Variants in RBM14 observed in about 807,000 individuals in gnomAD.
RBM14 encodes RNA binding motif protein 14, also known as RNA-binding protein 14.
A neutral mutation model predicts 52.8 loss-of-function variants in RBM14; 5 were observed. The observed-to-expected ratio is 0.09, with a 90% CI of 0.05 to 0.20. RBM14 has a LOEUF of 0.20. Ranked by LOEUF, RBM14 falls within the 10% of genes least tolerant of loss-of-function variation. The pLI is 1.00. For missense variants in RBM14, 780 were observed against 926.6 expected (o/e 0.84, Z 2.05); for synonymous variants, 411 against 401.8 (o/e 1.02, Z -0.28).
At chr11:66,621,952 T>G (rs1590843846) in intron 1 of RBM14, among the ~76,000 whole-genome samples, 1 of 152,232 alleles carries the variant, frequency 6.6e-6, no homozygotes, top group South Asian at 2.1e-4. Flanking sequence ...TTTGCGCTTG[T>G]CACCCAGGCT....
intron 2 of RBM14, among the ~76,000 whole-genome samples, chr11:66,626,005 C>T (rs1381558646): frequency 2.0e-5 from 3 of 152,154 alleles, no homozygotes; most frequent in Non-Finnish European, 4.4e-5. Context: ...GATCCTTAAG[C>T]CTATTACGTG....
At chr11:66,617,485 A>C (rs1034873895) in intron 1 of RBM14, 5 of 1,007,780 alleles carry the variant, frequency 5.0e-6, no homozygotes, top group African/African-American at 1.7e-5. Flanking sequence ...GAAGAGGGAA[A>C]AGGTGGGGGC....
chr11:66,624,584 C>A lies in RBM14; in HGVS notation c.708C>A (p.Thr236=), dbSNP rs1192883848. The change falls in exon 2 of 3, where the codon ACC becomes ACA. Residue 236 remains threonine (T), a synonymous_variant. Coordinates refer to ENST00000310137, the MANE Select transcript of RBM14 (RefSeq NM_006328.4). This position sits in a 1 kb window ranked among gnomAD's most constrained non-coding sequence, Gnocchi z 4.7. ...CTCCTCTGACGGCCCAGCCAGCTAC[C>A]TACCGGGCCCAGCCGTCCGTGTCAC... ...YVAPLTAQPA[T]YRAQPSVSLG... 1 of 1,612,260 alleles carries A rather than the reference C, an allele frequency of 6.2e-7. No individual in the cohort carries two copies. Among genetic ancestry groups the A allele is most frequent in the Admixed American group, 1.7e-5 (1 of 60,024 alleles).
intron 1 of RBM14, 80 bp downstream of exon 1, chr11:66,617,137 G>T: frequency 6.6e-7 from 1 of 1,507,072 alleles, no homozygotes; most frequent in Non-Finnish European, 8.8e-7. Flanking sequence ...CCGGGGGTCG[G>T]TCACTGCGCG....
Position 66,624,289 on chromosome 11 carries a change from A to G in RBM14, c.413A>G (p.Lys138Arg). The change falls in exon 2 of 3, where the codon AAG becomes AGG. Residue 138 changes from lysine to arginine, a missense_variant. Around this residue, in one of 4 missense-constraint regions of RBM14, gnomAD observed 33 missense variants for 87.3 expected, o/e 0.38. Coordinates refer to ENST00000310137, the MANE Select transcript of RBM14 (RefSeq NM_006328.4). The surrounding 1 kb of genome is among the most constrained non-coding windows in gnomAD (Gnocchi z 4.7). Reference sequence around the variant, plus strand: ...GCGCAGCTCAACGGCAAAGAAGTGAAGGGCAAGCGCATCAACGTGGAACTC... The same window carrying G: ...GCGCAGCTCAACGGCAAAGAAGTGAGGGGCAAGCGCATCAACGTGGAACTC... ...AIAQLNGKEV[K>R]GKRINVELST... 6.2e-7 allele frequency: 1 copy of G among 1,612,648 alleles called. No individual in the cohort carries two copies. The highest frequency in any genetic ancestry group is 8.5e-7 in the Non-Finnish European group (1 of 1,178,984).
At chr11:66,617,193 G>A in intron 1 of RBM14, 136 bp downstream of exon 1, 1 of 1,440,808 alleles carries the variant, frequency 6.9e-7, no homozygotes, top group Non-Finnish European at 9.1e-7. Context: ...GGAGGTGTTG[G>A]GGGCGCGTTG....
At position 66,629,471 on chromosome 11, in the gene RBM14, C is replaced by A. The variant is rs1237375164; in HGVS notation, c.*2803C>A. On this transcript the variant is annotated 3_prime_UTR_variant, in exon 3 of 3. Coordinates refer to ENST00000310137, the MANE Select transcript of RBM14 (RefSeq NM_006328.4). ...ACTATCACTGAGGGGTTCAGCCTAT[C>A]CAGGTAGGCTACCGTTCTAGTCATA... 6.6e-6 allele frequency among the ~76,000 whole-genome samples: 1 copy of A among 152,182 alleles called. No individual in the cohort carries two copies. Among genetic ancestry groups the A allele is most frequent in the Non-Finnish European group, 1.5e-5 (1 of 68,036 alleles).
chr11:66,617,414 A>T, intron 1 of RBM14: 2 of 1,092,850 alleles, frequency 1.8e-6, no homozygotes, highest in Non-Finnish European at 2.2e-6. Flanking sequence ...AAGCCGGATC[A>T]TGAAGCGGGG....
chr11:66,619,148 T>C (rs1858979316), intron 1 of RBM14: 1 of 152,298 alleles, frequency 6.6e-6, no homozygotes, highest in South Asian at 2.1e-4. Context: ...AAGTTGGGAG[T>C]GTAGTAGAAG....
chr11:66,619,499 A>ATT (rs776184942), intron 1 of RBM14: 2 of 152,050 alleles, frequency 1.3e-5, no homozygotes, highest in Non-Finnish European at 2.9e-5. Context: ...TCTTCTCTTC[A>ATT]TTTTTGTGAG....
At position 66,625,129 on chromosome 11, in the gene RBM14, C is replaced by G. The variant is rs1379896213; in HGVS notation, c.1253C>G (p.Ala418Gly). The G allele has an allele frequency of 1.2e-6, 2 of 1,613,120 alleles. No individual in the cohort carries two copies. Among genetic ancestry groups the G allele is most frequent in the Non-Finnish European group, 1.7e-6 (2 of 1,180,016 alleles). ...TACAATGCCCAGTCTGCCCCATATGCTGCACAGCAGGCTGCTTCCTACTCT... is the reference window on the plus strand; with the variant it reads ...TACAATGCCCAGTCTGCCCCATATGGTGCACAGCAGGCTGCTTCCTACTCT... ...ASYNAQSAPY[A>G]AQQAASYSSQ... is the part of the protein sequence containing the mutation. The change falls in exon 2 of 3, where the codon GCT becomes GGT. Residue 418 changes from alanine to glycine, a missense_variant. Ala to Gly is a moderately conservative substitution (Grantham distance 60). Transcript: ENST00000310137. The surrounding 1 kb of genome is among the most constrained non-coding windows in gnomAD (Gnocchi z 4.2).
rs1309897896 is a variant in RBM14, at chr11:66,627,581, T to A, written c.*913T>A. On this transcript the variant is annotated 3_prime_UTR_variant, in exon 3 of 3. Transcript: ENST00000310137. ...GGTGGCCTGGTCCTCAGCCCTCAACTTGAGTTAGTCACACCAAAATGCAGT... is the reference window on the plus strand; with the variant it reads ...GGTGGCCTGGTCCTCAGCCCTCAACATGAGTTAGTCACACCAAAATGCAGT... Among the ~76,000 whole-genome samples the A allele has an allele frequency of 2.0e-5, 3 of 152,196 alleles. No homozygotes were observed. The highest frequency in any genetic ancestry group is 6.5e-5 in the Admixed American group (1 of 15,274).
At chr11:66,617,352 C>G in intron 1 of RBM14, 2 of 1,232,830 alleles carry the variant, frequency 1.6e-6, no homozygotes, top group Non-Finnish European at 2.0e-6. Flanking sequence ...GGCGCGCCTT[C>G]TCCTGGTCTC....
Position 66,626,757 on chromosome 11 carries a change from AC to A in RBM14, c.*91del. ...CCAGGTTATAACTACTCTGGCCCAT[AC>A]CTTTCCTGGTTGTGGTTTTTCATGC... is the stretch of plus-strand genomic sequence containing the variant. On this transcript the variant is annotated 3_prime_UTR_variant, in exon 3 of 3. Coordinates refer to ENST00000310137, the MANE Select transcript of RBM14 (RefSeq NM_006328.4). 1 of 1,281,746 alleles carries A rather than the reference AC, an allele frequency of 7.8e-7. No individual in the cohort carries two copies. The highest frequency in any genetic ancestry group is 1.5e-5 in the South Asian group (1 of 66,696). The allele number at this position is 1,281,746 out of a possible 1,614,324, so 79.4% of individuals were successfully genotyped here.
In RBM14 at chr11:66,628,427, A is replaced by G. The variant is rs1350189647; in HGVS notation, c.*1759A>G. 3.9e-5 allele frequency among the ~76,000 whole-genome samples: 6 copies of G among 152,200 alleles called. No individual in the cohort carries two copies. The highest frequency in any genetic ancestry group is 6.5e-5 in the Admixed American group (1 of 15,278). ...GGCTTCATGTGAACTTGCCTGTGAC[A>G]GAATATCTTGCCCTAGATGTCCTCT... On this transcript the variant is annotated 3_prime_UTR_variant, in exon 3 of 3. Transcript: ENST00000310137.
Position 66,616,653 on chromosome 11 carries a change from GT to G in RBM14, c.-66del. 1 of 1,499,978 alleles carries G rather than the reference GT, an allele frequency of 6.7e-7. No homozygotes were observed. 92.9% of individuals were successfully genotyped at this position (1,499,978 alleles called of 1,614,324 possible). On this transcript the variant is annotated 5_prime_UTR_variant, in exon 1 of 3. Transcript: ENST00000310137. Reference sequence around the variant, plus strand: ...CCATTCCTGAGGAGGACTGCCGGTCGTTCGGACGTCTTGCCTGTCGCTGGAG... The same window carrying G: ...CCATTCCTGAGGAGGACTGCCGGTCGTCGGACGTCTTGCCTGTCGCTGGAG...
chr11:66,616,643 A>C lies in RBM14; in HGVS notation c.-78A>C. The stretch of plus-strand genomic sequence containing the variant: ...CGGTCGCCAGCCATTCCTGAGGAGG[A>C]CTGCCGGTCGTTCGGACGTCTTGCC... On this transcript the variant is annotated 5_prime_UTR_variant, in exon 1 of 3. Coordinates refer to ENST00000310137, the MANE Select transcript of RBM14 (RefSeq NM_006328.4). The C allele has an allele frequency of 2.0e-6, 3 of 1,479,596 alleles. No homozygotes were observed. Among genetic ancestry groups the C allele is most frequent in the Non-Finnish European group, 2.7e-6 (3 of 1,110,934 alleles). 91.7% of individuals were successfully genotyped at this position (1,479,596 alleles called of 1,614,324 possible).
rs1937666066 is a variant in RBM14 at position 66,624,022 on chromosome 11, A to G, written c.338-192A>G. 4 of 966,368 alleles carry G rather than the reference A, an allele frequency of 4.1e-6. No homozygotes were observed. The highest frequency in any genetic ancestry group is 5.2e-5 in the East Asian group (2 of 38,290). The allele number at this position is 966,368 out of a possible 1,614,324, so 59.9% of individuals were successfully genotyped here. ...AATGGGAAGAAGGCTGTAGGCAAAG[A>G]TGACTGCTTGGGACAGTCAGAAGCT... On this transcript the variant is annotated intron_variant, in intron 1 of 2. Coordinates refer to ENST00000310137, the MANE Select transcript of RBM14 (RefSeq NM_006328.4). The surrounding 1 kb of genome is among the most constrained non-coding windows in gnomAD (Gnocchi z 4.7).
rs777982017 is a variant in RBM14, at chr11:66,626,474, C to T, written c.1816C>T (p.Arg606Trp). The T allele has an allele frequency of 5.6e-6, 9 of 1,613,292 alleles. No individual in the cohort carries two copies. Among genetic ancestry groups the T allele is most frequent in the South Asian group, 5.5e-5 (5 of 91,076 alleles). Reference protein sequence around the residue: ...VAMSKRYGSDRRLAELSDYRR... With the variant: ...VAMSKRYGSDWRLAELSDYRR... ...TCTCTCGACTAGGTATGGTTCCGACCGGCGTTTAGCCGAGCTCTCTGATTA... is the reference window on the plus strand; with the variant it reads ...TCTCTCGACTAGGTATGGTTCCGACTGGCGTTTAGCCGAGCTCTCTGATTA... Residue 606 changes from arginine (R) to tryptophan (W), a missense_variant, in exon 3 of 3, where the codon CGG becomes TGG. This residue lies in a region of RBM14 where 675 missense variants were observed against 697.3 expected (regional missense o/e 0.97). Coordinates refer to ENST00000310137, the MANE Select transcript of RBM14 (RefSeq NM_006328.4).
Sources: allele counts gnomAD v4.1 joint callset (sites outside exome capture counted in the v4.1 genomes callset), GRCh38; gene constraint gnomAD v4.1.1; regional missense constraint gnomAD v4.1.1; non-coding constraint Gnocchi (gnomAD v3.1); transcripts MANE v1.5; gene names NCBI Gene and HGNC (gene_info 2026-07-23, HGNC 2026-07-21).